Variants in BCR observed in about 807,000 individuals in gnomAD.
BCR encodes BCR activator of RhoGEF and GTPase.
A neutral mutation model predicts 138.6 loss-of-function variants in BCR; 58 were observed. The ratio of observed to expected loss-of-function variants is 0.42; its 90% CI spans 0.34 to 0.52. BCR has a LOEUF of 0.52. Ranked by LOEUF, BCR falls within the 20% of genes least tolerant of loss-of-function variation. The pLI is 0.06. For synonymous variants in BCR, 786 were observed against 730.1 expected (o/e 1.08, Z -1.23); for missense variants, 1,599 against 1,727.2 (o/e 0.93, Z 1.32).
intron 8 of BCR, among the ~76,000 whole-genome samples, chr22:23,277,416 G>T (rs889775345): frequency 1.3e-5 from 2 of 152,144 alleles, no homozygotes; most frequent in East Asian, 1.9e-4. Flanking sequence ...TCTGTGAGCC[G>T]ATAGGACGTT....
chr22:23,231,617 C>A (rs951484683), intron 1 of BCR, among the ~76,000 whole-genome samples: 14 of 152,198 alleles, frequency 9.2e-5, no homozygotes, highest in Non-Finnish European at 1.9e-4. Context: ...TTGGGCCATG[C>A]CTGAGCTGGC....
chr22:23,219,018 C>G (rs1302293435), intron 1 of BCR, among the ~76,000 whole-genome samples: 1 of 58 alleles, frequency 0.017, no homozygotes, highest in Non-Finnish European at 0.045. Flanking sequence ...GCTGAGAAGG[C>G]CTGCGCTTCC....
chr22:23,194,505 G>A (rs950540697), intron 1 of BCR, among the ~76,000 whole-genome samples: 2 of 151,500 alleles, frequency 1.3e-5, no homozygotes, highest in African/African-American at 4.9e-5. Flanking sequence ...CCGCCTCCCA[G>A]GTTCACGCCA....
Position 23,208,905 on chromosome 22 carries a change from T to C in BCR, c.1279+26666T>C, listed in dbSNP as rs115277781. Among the ~76,000 whole-genome samples, 573 of 152,040 alleles carry C rather than the reference T, an allele frequency of 3.8e-3. 3 individuals carry two copies. The highest frequency in any genetic ancestry group is 0.013 in the African/African-American group (557 of 41,462). ...ACTCATTAAATATAGGCTTTCCATT[T>C]CCCCTCCCCGCGGCAACCACTGTTC... On this transcript the variant is annotated intron_variant, in intron 1 of 22. Transcript: ENST00000305877.
chr22:23,268,951 G>A (rs1419468120), intron 5 of BCR, among the ~76,000 whole-genome samples: 1 of 152,084 alleles, frequency 6.6e-6, no homozygotes, highest in African/African-American at 2.4e-5. Flanking sequence ...AGGGGCTAGC[G>A]CCGTGGGGCG....
At chr22:23,260,737 G>A in intron 2 of BCR, 2 of 543,388 alleles carry the variant, frequency 3.7e-6, no homozygotes, top group Non-Finnish European at 6.7e-6. Flanking sequence ...GGTGTTGCCA[G>A]ATGACCCCCC....
At chr22:23,245,372 G>A (rs888790725) in intron 1 of BCR, among the ~76,000 whole-genome samples, 3 of 151,982 alleles carry the variant, frequency 2.0e-5, no homozygotes, top group East Asian at 3.9e-4. Context: ...CTCTCTACCC[G>A]GGCAGCTGCG....
At chr22:23,301,042 A>G (rs780889000) in intron 16 of BCR, among the ~76,000 whole-genome samples, 2 of 152,224 alleles carry the variant, frequency 1.3e-5, no homozygotes, top group Non-Finnish European at 2.9e-5. Context: ...AGAGAGATGC[A>G]CCTGTCATCC....
intron 1 of BCR, among the ~76,000 whole-genome samples, chr22:23,246,082 T>C (rs1229745379): frequency 6.6e-6 from 1 of 152,148 alleles, no homozygotes; most frequent in Non-Finnish European, 1.5e-5. Context: ...CGTAGCATCA[T>C]GTTTTCAAGG....
intron 8 of BCR, among the ~76,000 whole-genome samples, chr22:23,277,400 T>C (rs1050303834): frequency 6.6e-6 from 1 of 152,166 alleles, no homozygotes; most frequent in African/African-American, 2.4e-5. Context: ...TTGGTTCCCT[T>C]CCTCCTCTGT....
chr22:23,291,662 C>T (rs1369018939), intron 14 of BCR, among the ~76,000 whole-genome samples: 1 of 152,138 alleles, frequency 6.6e-6, no homozygotes, highest in African/African-American at 2.4e-5. Flanking sequence ...CCCGTGCACT[C>T]AACCTTGCAT....
chr22:23,277,548 G>A (rs73878672), intron 8 of BCR, among the ~76,000 whole-genome samples: 1 of 152,182 alleles, frequency 6.6e-6, no homozygotes, highest in Non-Finnish European at 1.5e-5. Flanking sequence ...GTGTCAAGGG[G>A]TTGGGGCTGT....
At chr22:23,213,530 A>G (rs2072711622) in intron 1 of BCR, among the ~76,000 whole-genome samples, 1 of 152,202 alleles carries the variant, frequency 6.6e-6, no homozygotes, top group Non-Finnish European at 1.5e-5. Flanking sequence ...GCCACTAAGA[A>G]GGAGGCAGCA....
chr22:23,200,254 C>T (rs968781262), intron 1 of BCR, among the ~76,000 whole-genome samples: 4 of 152,146 alleles, frequency 2.6e-5, no homozygotes, highest in African/African-American at 7.2e-5. Context: ...TGGCTTAGGT[C>T]TGGTGGTCTG....
rs2074064732 is a variant in BCR at position 23,315,722 on chromosome 22, C to T, written c.*200C>T. ...CCCAGGTCTGGGAGCCCCAGGCTGG[C>T]CTCAGACTGTGGTTTTTTATGTGGC... is the stretch of plus-strand genomic sequence containing the variant. On this transcript the variant is annotated 3_prime_UTR_variant, in exon 23 of 23. Coordinates refer to ENST00000305877, the MANE Select transcript of BCR (RefSeq NM_004327.4). 3 of 666,344 alleles carry T rather than the reference C, an allele frequency of 4.5e-6. No homozygotes were observed. The highest frequency in any genetic ancestry group is 8.2e-6 in the Non-Finnish European group (3 of 365,346). 41.3% of individuals were successfully genotyped at this position (666,344 alleles called of 1,614,324 possible).
rs775481393 is a variant in BCR, at chr22:23,198,265, A to C, written c.1279+16026A>C. The C allele has an allele frequency of 6.7e-6, 3 of 450,144 alleles. No individual in the cohort carries two copies. In the East Asian group the frequency reaches 2.2e-4, roughly 32 times the overall value. The allele number at this position is 450,144 out of a possible 1,614,324, so 27.9% of individuals were successfully genotyped here. A position where few individuals can be genotyped will look rare whatever the true frequency, so the allele number is the denominator to read the frequency against. On this transcript the variant is annotated intron_variant, in intron 1 of 22. Coordinates refer to ENST00000305877, the MANE Select transcript of BCR (RefSeq NM_004327.4). The stretch of plus-strand genomic sequence containing the variant: ...AGGATTAGGGTCCGAGTGCTCCCCG[A>C]GTGTCCACCGTCGGCCTGCTCTGTT...
At chr22:23,228,138 G>C (rs2072914827) in intron 1 of BCR, among the ~76,000 whole-genome samples, 1 of 152,046 alleles carries the variant, frequency 6.6e-6, no homozygotes, top group Admixed American at 6.5e-5. Flanking sequence ...CTAGAAGTCT[G>C]TTACTTCTTT....
At chr22:23,292,208 C>T (rs149082502) in intron 14 of BCR, among the ~76,000 whole-genome samples, 17 of 152,282 alleles carry the variant, frequency 1.1e-4, no homozygotes, top group Admixed American at 5.9e-4. Flanking sequence ...GTAACAATGG[C>T]GTGTACACCT....
intron 2 of BCR, among the ~76,000 whole-genome samples, chr22:23,260,569 G>A (rs927078255): frequency 1.3e-5 from 2 of 152,188 alleles, no homozygotes; most frequent in African/African-American, 4.8e-5. Flanking sequence ...GCCATGCTGT[G>A]GGCTCTGACG....
Sources: allele counts gnomAD v4.1 joint callset (sites outside exome capture counted in the v4.1 genomes callset), GRCh38; gene constraint gnomAD v4.1.1; transcripts MANE v1.5; gene names NCBI Gene and HGNC (gene_info 2026-07-23, HGNC 2026-07-21).